RNF44: variants seen among roughly 807,000 people sequenced by gnomAD.
The protein encoded by RNF44 is ring finger protein 44.
RNF44 carries 25 observed loss-of-function variants against 53.6 expected under a neutral mutation model. That is an observed-to-expected ratio of 0.47 (90% CI 0.34 to 0.65). The LOEUF (loss-of-function observed/expected upper bound fraction) is 0.65, where lower values mean the gene tolerates loss of function less well. Among genes scored for constraint, RNF44 ranks in the 30% least tolerant of loss-of-function variants. RNF44 has a pLI of 0.01. For synonymous variants in RNF44, 282 were observed against 252.2 expected (o/e 1.12, Z -1.12); for missense variants, 581 against 595.5 (o/e 0.98, Z 0.25).
At chr5:176,539,841 C>G (rs934367148), upstream of RNF44, among the ~76,000 whole-genome samples, 1 of 152,120 alleles carries the variant, frequency 6.6e-6, no homozygotes, top group Admixed American at 6.5e-5. Context: ...TCTTCCTGCC[C>G]GAACTTTTCA....
chr5:176,529,334 G>A lies in RNF44; in HGVS notation c.1190C>T (p.Pro397Leu). ...FEARQLLRVL[P>L]CNHEFHTKCV... ...CTTGGTGTGGAACTCATGGTTGCAG[G>A]GGAGGACTCGGAGCAGCTGCCGCGC... The change falls in exon 10 of 11, where the codon CCC (proline) becomes CTC (leucine). Residue 397 changes from proline (P) to leucine (L), a missense_variant. Coordinates refer to ENST00000274811, the MANE Select transcript of RNF44 (RefSeq NM_014901.5). 1 of 1,613,658 alleles carries A rather than the reference G, an allele frequency of 6.2e-7. No homozygotes were observed. Among genetic ancestry groups the A allele is most frequent in the Non-Finnish European group, 8.5e-7 (1 of 1,180,020 alleles).
At chr5:176,529,985 A>G in intron 7 of RNF44, 97 bp downstream of exon 7, 1 of 1,440,632 alleles carries the variant, frequency 6.9e-7, no homozygotes, top group East Asian at 2.4e-5. Context: ...GTGGCTTCAG[A>G]GGCCCTGGGG....
upstream of RNF44, among the ~76,000 whole-genome samples, chr5:176,540,853 C>G (rs1279568727): frequency 6.6e-6 from 1 of 152,252 alleles, no homozygotes; most frequent in Non-Finnish European, 1.5e-5. Context: ...CACTCTGGAG[C>G]AAGTGGGAAG....
chr5:176,529,236 T>A (rs1756327742), intron 10 of RNF44, 52 bp downstream of exon 10: 1 of 1,568,568 alleles, frequency 6.4e-7, no homozygotes, highest in Non-Finnish European at 8.8e-7. Flanking sequence ...GGCCAGCCCA[T>A]CCCCCCGTCA....
At position 176,530,622 on chromosome 5, in the gene RNF44, A is replaced by C; in HGVS notation, c.761T>G (p.Leu254Arg). 1.3e-6 allele frequency: 2 copies of C among 1,503,110 alleles called. No individual in the cohort carries two copies. The highest frequency in any genetic ancestry group is 1.8e-6 in the Non-Finnish European group (2 of 1,130,262). The allele number at this position is 1,503,110 out of a possible 1,614,324, so 93.1% of individuals were successfully genotyped here. Residue 254 changes from leucine (L) to arginine (R), a missense_variant, in exon 6 of 11, where the codon CTG (leucine) becomes CGG (arginine). Physicochemically the swap from Leu to Arg is moderately radical, Grantham distance 102. Around this residue, in one of 3 missense-constraint regions of RNF44, gnomAD observed 387 missense variants for 366.0 expected, o/e 1.06. Transcript: ENST00000274811. ...ALSPSVPLHY[L>R]PHDPLHQELS... is the part of the protein sequence containing the mutation. ...CTCCTGGTGCAGCGGATCGTGGGGC[A>C]GGTAGTGCAGGGGCACCGACGGGGA...
At position 176,532,428 on chromosome 5, in the gene RNF44, G is replaced by A; in HGVS notation, c.45C>T (p.Ala15=). The part of the protein sequence containing the change: ...ALAVTRWPPS[A]PVGQRRFSAG... ...CAGAGAATCGCCGCTGGCCCACGGG[G>A]GCGGAGGGTGGCCACCTAGTCACTG... The change falls in exon 2 of 11, where the codon GCC becomes GCT. Residue 15 remains alanine, a synonymous_variant. Coordinates refer to ENST00000274811, the MANE Select transcript of RNF44 (RefSeq NM_014901.5). The A allele has an allele frequency of 1.2e-6, 2 of 1,607,318 alleles. 1 individual carries two copies. Among genetic ancestry groups the A allele is most frequent in the South Asian group, 2.2e-5 (2 of 90,860 alleles).
chr5:176,541,327 C>T (rs1757442388), upstream of RNF44, among the ~76,000 whole-genome samples: 1 of 152,126 alleles, frequency 6.6e-6, no homozygotes, highest in Admixed American at 6.5e-5. Flanking sequence ...CAGGACTCAC[C>T]CAGTGTCATG....
chr5:176,529,881 C>A, intron 7 of RNF44, 63 bp from the exon 8 acceptor site: 1 of 1,455,714 alleles, frequency 6.9e-7, no homozygotes, highest in South Asian at 1.4e-5. Flanking sequence ...CAGAGCCGCT[C>A]TCCTGACTCC....
At chr5:176,540,083 A>G (rs1275233039), upstream of RNF44, among the ~76,000 whole-genome samples, 1 of 152,190 alleles carries the variant, frequency 6.6e-6, no homozygotes, top group African/African-American at 2.4e-5. Flanking sequence ...CCCATTTTTG[A>G]ACGCAGAGCT....
chr5:176,531,707 G>A lies in RNF44; in HGVS notation c.298-77C>T. Reference sequence around the variant, plus strand: ...GGCTACTCTCAGGAGAAATCATCCTGCCACATCCAGCTGCCGGCTCCCTTC... The same window carrying A: ...GGCTACTCTCAGGAGAAATCATCCTACCACATCCAGCTGCCGGCTCCCTTC... On this transcript the variant is annotated intron_variant, in intron 3 of 10. Coordinates refer to ENST00000274811, the MANE Select transcript of RNF44 (RefSeq NM_014901.5). This position sits in a 1 kb window ranked among gnomAD's most constrained non-coding sequence, Gnocchi z 4.2. 5 of 1,404,738 alleles carry A rather than the reference G, an allele frequency of 3.6e-6. No homozygotes were observed. Among genetic ancestry groups the A allele is most frequent in the East Asian group, 2.4e-5 (1 of 41,092 alleles). The allele number at this position is 1,404,738 out of a possible 1,614,324, so 87.0% of individuals were successfully genotyped here. A position where few individuals can be genotyped will look rare whatever the true frequency, so the allele number is the denominator to read the frequency against.
intron 1 of RNF44, among the ~76,000 whole-genome samples, chr5:176,535,809 C>A (rs1232552189): frequency 6.6e-6 from 1 of 152,224 alleles, no homozygotes; most frequent in East Asian, 1.9e-4. Flanking sequence ...CCTCCCCTAA[C>A]AACTGCTCTG....
At chr5:176,529,454 C>T in intron 9 of RNF44, 67 bp from the exon 10 acceptor site, 1 of 1,606,944 alleles carries the variant, frequency 6.2e-7, no homozygotes, top group Non-Finnish European at 8.5e-7. Flanking sequence ...GAGTGTGACT[C>T]CCCTGAGAGG....
rs1314994822 is a variant in RNF44, at chr5:176,529,587, C to T, written c.1072G>A (p.Ala358Thr). 6.2e-6 allele frequency: 10 copies of T among 1,613,932 alleles called. No homozygotes were observed. Among genetic ancestry groups the T allele is most frequent in the Non-Finnish European group, 8.5e-6 (10 of 1,180,042 alleles). The change falls in exon 9 of 11, where the codon GCA (alanine) becomes ACA (threonine). Residue 358 changes from alanine (A) to threonine (T), a missense_variant. Coordinates refer to ENST00000274811, the MANE Select transcript of RNF44 (RefSeq NM_014901.5). ...GDAKPRGLTK[A>T]DIEQLPSYRF... Reference sequence around the variant, plus strand: ...TACGACGGGAGCTGCTCTATGTCTGCTTTGGTGAGACCCCGGGGCTTGGCA... The same window carrying T: ...TACGACGGGAGCTGCTCTATGTCTGTTTTGGTGAGACCCCGGGGCTTGGCA...
Position 176,531,398 on chromosome 5 carries a change from C to T in RNF44, c.465+65G>A. 3 of 1,487,184 alleles carry T rather than the reference C, an allele frequency of 2.0e-6. No homozygotes were observed. The highest frequency in any genetic ancestry group is 1.8e-6 in the Non-Finnish European group (2 of 1,109,728). 92.1% of individuals were successfully genotyped at this position (1,487,184 alleles called of 1,614,324 possible). Reference sequence around the variant, plus strand: ...CCAGTTCAGGGCTGCCCTGGGCCCGCTGAGCCGCTGGCCTGTGCCTGGGGC... The same window carrying T: ...CCAGTTCAGGGCTGCCCTGGGCCCGTTGAGCCGCTGGCCTGTGCCTGGGGC... On this transcript the variant is annotated intron_variant, in intron 4 of 10. Transcript: ENST00000274811. The surrounding 1 kb of genome is among the most constrained non-coding windows in gnomAD (Gnocchi z 4.2).
chr5:176,531,874 G>T lies in RNF44; in HGVS notation c.297+130C>A. On this transcript the variant is annotated intron_variant, in intron 3 of 10. Transcript: ENST00000274811. This position sits in a 1 kb window ranked among gnomAD's most constrained non-coding sequence, Gnocchi z 4.2. Reference sequence around the variant, plus strand: ...TCCCCGGGCCTCAGTTTACCTACCTGTAAAGCAGGGCCAATAATGCCTCCC... The same window carrying T: ...TCCCCGGGCCTCAGTTTACCTACCTTTAAAGCAGGGCCAATAATGCCTCCC... 9.2e-7 allele frequency: 1 copy of T among 1,082,030 alleles called. No individual in the cohort carries two copies. The highest frequency in any genetic ancestry group is 1.3e-6 in the Non-Finnish European group (1 of 760,220). 67.0% of individuals were successfully genotyped at this position (1,082,030 alleles called of 1,614,324 possible). A position where few individuals can be genotyped will look rare whatever the true frequency, so the allele number is the denominator to read the frequency against.
chr5:176,536,228 GAGAAGA>G (rs1288423601), intron 1 of RNF44: 4 of 152,310 alleles, frequency 2.6e-5, no homozygotes, highest in Non-Finnish European at 5.9e-5. Context: ...CAGACTAGGA[GAGAAGA>G]CTCCCTAGTG....
rs1275265172 is a variant in RNF44 at position 176,529,719 on chromosome 5, G to A, written c.1014+12C>T. The A allele has an allele frequency of 9.9e-6, 16 of 1,611,202 alleles. No individual in the cohort carries two copies. Among genetic ancestry groups the A allele is most frequent in the East Asian group, 2.2e-5 (1 of 44,780 alleles). On this transcript the variant is annotated intron_variant, in intron 8 of 10. Coordinates refer to ENST00000274811, the MANE Select transcript of RNF44 (RefSeq NM_014901.5). The stretch of plus-strand genomic sequence containing the variant: ...CCCAAACCCCACCTCCCAGCATGGG[G>A]CTCCATGGGACCTCATAGTTCTCCA...
intron 1 of RNF44, 52 bp downstream of exon 1, chr5:176,536,886 CAG>C (rs1238912233): frequency 6.6e-6 from 1 of 151,664 alleles, no homozygotes; most frequent in Non-Finnish European, 1.5e-5. Context: ...GGGAGGGGAA[CAG>C]AAGGTCCATG....
Position 176,531,258 on chromosome 5 carries a change from G to A in RNF44, c.465+205C>T, listed in dbSNP as rs1424953538. ...GCCAAGCTGTGAGGCAGGTACAGGG[G>A]TACTGGAAGGTTCCTGAACCTTGAA... On this transcript the variant is annotated intron_variant, in intron 4 of 10. Coordinates refer to ENST00000274811, the MANE Select transcript of RNF44 (RefSeq NM_014901.5). This position sits in a 1 kb window ranked among gnomAD's most constrained non-coding sequence, Gnocchi z 4.2. Among the ~76,000 whole-genome samples the A allele has an allele frequency of 1.3e-5, 2 of 152,258 alleles. No homozygotes were observed. Among genetic ancestry groups the A allele is most frequent in the Non-Finnish European group, 2.9e-5 (2 of 68,042 alleles).
Sources: allele counts gnomAD v4.1 joint callset (sites outside exome capture counted in the v4.1 genomes callset), GRCh38; gene constraint gnomAD v4.1.1; regional missense constraint gnomAD v4.1.1; non-coding constraint Gnocchi (gnomAD v3.1); transcripts MANE v1.5; gene names NCBI Gene and HGNC (gene_info 2026-07-23, HGNC 2026-07-21).